Variants in ZNF536 observed in about 807,000 individuals in gnomAD.
The protein encoded by ZNF536 is zinc finger protein 536.
ZNF536 carries 13 observed loss-of-function variants against 84.5 expected under a neutral mutation model. The ratio of observed to expected loss-of-function variants is 0.15; its 90% CI spans 0.10 to 0.24. ZNF536 has a LOEUF of 0.24. ZNF536 is among the 10% of genes least tolerant of loss of function. The probability of loss-of-function intolerance (pLI) is 1.00; values close to 1 mark genes in which losing one functional copy is unlikely to be tolerated. For synonymous variants in ZNF536, 811 were observed against 742.5 expected (o/e 1.09, Z -1.50); for missense variants, 1,536 against 1,747.5 (o/e 0.88, Z 2.16).
chr19:30,348,421 G>A (rs555852778), intron 2 of ZNF536, among the ~76,000 whole-genome samples: 12 of 152,280 alleles, frequency 7.9e-5, no homozygotes, highest in African/African-American at 2.2e-4. Flanking sequence ...CACCGTGACT[G>A]TAGAATTCAA....
At chr19:30,514,008 T>G (rs1568503270) in intron 2 of ZNF536, among the ~76,000 whole-genome samples, 1 of 152,076 alleles carries the variant, frequency 6.6e-6, no homozygotes. Context: ...GCTTTCTGTG[T>G]GGGGGAGCAA....
intron 1 of ZNF536, among the ~76,000 whole-genome samples, chr19:30,431,135 G>A (rs1355971913): frequency 1.3e-5 from 2 of 152,184 alleles, no homozygotes; most frequent in African/African-American, 4.8e-5. Flanking sequence ...TCCCATATCT[G>A]AGACAGCAGC....
At chr19:30,268,042 C>CGCCTCCCTCCCTTTCTCTCCGCCT (rs1555778581) in intron 1 of ZNF536, among the ~76,000 whole-genome samples, 4 of 118,296 alleles carry the variant, frequency 3.4e-5, no homozygotes, top group African/African-American at 1.2e-4. Context: ...TTCCTCCCCC[C>CGCCTCCCTCCCTTTCTCTCCGCCT]GCCTCCCTCC....
intron 2 of ZNF536, among the ~76,000 whole-genome samples, chr19:30,519,042 C>G (rs1262503250): frequency 6.6e-6 from 1 of 152,226 alleles, no homozygotes; most frequent in Non-Finnish European, 1.5e-5. Context: ...CGGACTTTCT[C>G]CTCAGGCCCA....
intron 2 of ZNF536, among the ~76,000 whole-genome samples, chr19:30,287,682 A>G (rs1309589779): frequency 7.8e-6 from 1 of 127,488 alleles, no homozygotes; most frequent in Non-Finnish European, 1.7e-5. Flanking sequence ...GGATGGATGG[A>G]TGGATGGATG....
At chr19:30,267,739 C>T (rs1470925561) in intron 1 of ZNF536, among the ~76,000 whole-genome samples, 1 of 152,124 alleles carries the variant, frequency 6.6e-6, no homozygotes, top group Non-Finnish European at 1.5e-5. Flanking sequence ...ATTATTTTTT[C>T]CTCTGTTTGA....
rs2046023785 is a variant in ZNF536 at position 30,558,004 on chromosome 19, T to C, written c.*840T>C. 6.6e-6 allele frequency: 1 copy of C among 152,484 alleles called. No homozygotes were observed. Among genetic ancestry groups the C allele is most frequent in the Non-Finnish European group, 1.5e-5 (1 of 68,006 alleles). The allele number at this position is 152,484 out of a possible 1,614,324, so 9.4% of individuals were successfully genotyped here. A position where few individuals can be genotyped will look rare whatever the true frequency, so the allele number is the denominator to read the frequency against. On this transcript the variant is annotated 3_prime_UTR_variant, in exon 5 of 5. Coordinates refer to ENST00000355537, the MANE Select transcript of ZNF536 (RefSeq NM_014717.3). ...ATGGAATGTAAAATAATACTAAAAA[T>C]GCTTCAATAACTTATCTTGGTATTG... is the stretch of plus-strand genomic sequence containing the variant.
At chr19:30,633,621 C>T (rs1384776640) in intron 1 of ZNF536, among the ~76,000 whole-genome samples, 3 of 152,174 alleles carry the variant, frequency 2.0e-5, no homozygotes, top group Non-Finnish European at 4.4e-5. Flanking sequence ...AGTGAGAACA[C>T]CCAGTATTTG....
intron 1 of ZNF536, 149 bp downstream of exon 1, chr19:30,372,705 C>G (rs965017273): frequency 6.6e-6 from 1 of 152,054 alleles, no homozygotes; most frequent in African/African-American, 2.4e-5. Flanking sequence ...GAAGTACACA[C>G]CCTTTTGCAA....
In ZNF536 at chr19:30,524,118, C is replaced by T. The variant is rs147323236; in HGVS notation, c.2171-10729C>T. Reference sequence around the variant, plus strand: ...TTATCCATCACGAATGCCTCCATGCCGCCCTAATAGATTATTTAAAATGGT... The same window carrying T: ...TTATCCATCACGAATGCCTCCATGCTGCCCTAATAGATTATTTAAAATGGT... On this transcript the variant is annotated intron_variant, in intron 2 of 4. Coordinates refer to ENST00000355537, the MANE Select transcript of ZNF536 (RefSeq NM_014717.3). Among the ~76,000 whole-genome samples, 46 of 152,276 alleles carry T rather than the reference C, an allele frequency of 3.0e-4. 1 individual carries two copies. In the Middle Eastern group the frequency reaches 0.017, roughly 56 times the overall value.
intron 1 of ZNF536, among the ~76,000 whole-genome samples, chr19:30,251,224 A>G (rs73924250): frequency 0.02 from 3,074 of 152,062 alleles, 111 homozygotes; most frequent in African/African-American, 0.07. Flanking sequence ...GTGTGTCTAC[A>G]TTTTCTGGGG....
chr19:30,498,587 C>T (rs1368412016), intron 2 of ZNF536, among the ~76,000 whole-genome samples: 4 of 146,588 alleles, frequency 2.7e-5, no homozygotes, highest in East Asian at 3.9e-4. Flanking sequence ...CATGTACCCC[C>T]AGAATTAAAA....
intron 1 of ZNF536, among the ~76,000 whole-genome samples, chr19:30,681,168 T>C (rs2050955824): frequency 6.6e-6 from 1 of 152,024 alleles, no homozygotes; most frequent in Non-Finnish European, 1.5e-5. Flanking sequence ...GTATCCTCCA[T>C]GGATATGGAA....
Position 30,608,947 on chromosome 19 carries a change from A to G in ZNF536, c.169+59433A>G, listed in dbSNP as rs1212835480. On this transcript the variant is annotated intron_variant, in intron 1 of 1. Transcript: ENST00000592773. ...ATGTGTTGACTCTCATCTCGAAGCC[A>G]GGAGTCAGCCACGGAAGTGGAGAAG... Among the ~76,000 whole-genome samples the G allele has an allele frequency of 2.0e-5, 3 of 152,186 alleles. No homozygotes were observed. The East Asian group carries it at 5.8e-4, about 29-fold the overall frequency.
At chr19:30,324,681 T>C (rs1404008617) in intron 2 of ZNF536, among the ~76,000 whole-genome samples, 4 of 152,240 alleles carry the variant, frequency 2.6e-5, no homozygotes, top group Non-Finnish European at 5.9e-5. Flanking sequence ...CATGAGCCAC[T>C]CCGTCTGACT....
At chr19:30,701,256 CACAA>C (rs1161818209) in intron 1 of ZNF536, among the ~76,000 whole-genome samples, 4 of 151,518 alleles carry the variant, frequency 2.6e-5, no homozygotes, top group Admixed American at 1.3e-4. Context: ...CAAACACACA[CACAA>C]ACACACAGAC....
intron 2 of ZNF536, among the ~76,000 whole-genome samples, chr19:30,295,984 C>T (rs1442546791): frequency 2.6e-5 from 4 of 152,214 alleles, no homozygotes; most frequent in African/African-American, 9.7e-5. Context: ...CCATGGGGCC[C>T]AGACCAGTGT....
At chr19:30,547,903 G>A (rs2045615362) in intron 3 of ZNF536, 40 bp from the exon 4 acceptor site, 1 of 1,511,698 alleles carries the variant, frequency 6.6e-7, no homozygotes, top group Admixed American at 2.3e-5. Context: ...ACCAAAATGA[G>A]ATAAACGCCT....
rs1291568714 is a variant in ZNF536, at chr19:30,317,018, C to A, written c.-120+32877C>A. Among the ~76,000 whole-genome samples the A allele has an allele frequency of 2.0e-5, 3 of 152,332 alleles. No individual in the cohort carries two copies. In the South Asian group the frequency reaches 6.2e-4, roughly 32 times the overall value. On this transcript the variant is annotated intron_variant, in intron 2 of 5. Coordinates refer to the ZNF536 transcript ENST00000585628. Reference sequence around the variant, plus strand: ...AGGTCAAAGCGTGGGCTTGGCAAGGCCTCCCTTTGCTCCTGATAGAGAGGG... The same window carrying A: ...AGGTCAAAGCGTGGGCTTGGCAAGGACTCCCTTTGCTCCTGATAGAGAGGG...
Sources: gnomAD v4.1 joint callset for allele counts (sites outside exome capture counted in the v4.1 genomes callset) on GRCh38, gnomAD v4.1.1 for gene constraint, MANE v1.5 for transcripts, NCBI Gene and HGNC (gene_info 2026-07-23, HGNC 2026-07-21) for gene names.